SULF2: variants seen among roughly 807,000 people sequenced by gnomAD.
SULF2 encodes the protein extracellular sulfatase Sulf-2.
SULF2 carries 52 observed loss-of-function variants against 107.7 expected under a neutral mutation model. That is an observed-to-expected ratio of 0.48 (90% CI 0.39 to 0.61). The LOEUF (loss-of-function observed/expected upper bound fraction) is 0.61, where lower values mean the gene tolerates loss of function less well. Ranked by LOEUF, SULF2 falls within the 20% of genes least tolerant of loss-of-function variation. The pLI is 0.00. For synonymous variants in SULF2, 460 were observed against 464.3 expected (o/e 0.99, Z 0.12); for missense variants, 993 against 1,177.3 (o/e 0.84, Z 2.29).
chr20:47,738,278 A>G (rs1249994053), intron 2 of SULF2, among the ~76,000 whole-genome samples: 1 of 152,170 alleles, frequency 6.6e-6, no homozygotes, highest in Non-Finnish European at 1.5e-5. Flanking sequence ...GCTCAATTGT[A>G]TGCTGTGGTT....
chr20:47,762,124 T>C (rs2090431235), intron 1 of SULF2, among the ~76,000 whole-genome samples: 1 of 152,258 alleles, frequency 6.6e-6, no homozygotes, highest in Non-Finnish European at 1.5e-5. Flanking sequence ...GTCTCGGGTA[T>C]GTCTTTATCA....
intron 2 of SULF2, among the ~76,000 whole-genome samples, chr20:47,744,285 C>T (rs373878438): frequency 7.9e-5 from 12 of 152,100 alleles, no homozygotes; most frequent in African/African-American, 2.7e-4. Context: ...TGGGTTCAAG[C>T]GATTCTCCTG....
In SULF2 at chr20:47,736,937, T is replaced by A; in HGVS notation, c.181A>T (p.Met61Leu). ...TDDQDVELGS[M>L]QVMNKTRRIM... Reference sequence around the variant, plus strand: ...CGCCGGGTCTTGTTCATCACCTGCATGGAACCTGCAAGTCAAGGGTGGAAG... The same window carrying A: ...CGCCGGGTCTTGTTCATCACCTGCAAGGAACCTGCAAGTCAAGGGTGGAAG... Residue 61 changes from methionine to leucine, a missense_variant, in exon 3 of 21, where the codon ATG (methionine) becomes TTG (leucine). Coordinates refer to ENST00000688720, the MANE Select transcript of SULF2 (RefSeq NM_001387048.1). The A allele has an allele frequency of 6.2e-7, 1 of 1,614,152 alleles. No individual in the cohort carries two copies. The highest frequency in any genetic ancestry group is 8.5e-7 in the Non-Finnish European group (1 of 1,180,006).
At chr20:47,661,720 C>A (rs1174062070) in intron 18 of SULF2, 53 bp downstream of exon 18, 4 of 1,424,886 alleles carry the variant, frequency 2.8e-6, no homozygotes, top group Non-Finnish European at 2.8e-6. Flanking sequence ...TCCTGAGTCC[C>A]TTCCTTTGGT....
At chr20:47,688,628 G>A (rs2088094957) in intron 5 of SULF2, among the ~76,000 whole-genome samples, 1 of 152,168 alleles carries the variant, frequency 6.6e-6, no homozygotes, top group African/African-American at 2.4e-5. Context: ...GCCGGCTGCT[G>A]GGGGAGGCTG....
rs540017083 is a variant in SULF2 at position 47,678,857 on chromosome 20, C to T, written c.1065-53G>A. ...AGTCACTCAGGTGGTGGTGCCTCAG[C>T]CTCGCGTGGGGGGTGGGGAGCGGTA... is the stretch of plus-strand genomic sequence containing the variant. On this transcript the variant is annotated intron_variant, in intron 7 of 20. Transcript: ENST00000688720. The surrounding 1 kb of genome is among the most constrained non-coding windows in gnomAD (Gnocchi z 4.5). The T allele has an allele frequency of 2.1e-4, 327 of 1,568,118 alleles. 1 individual carries two copies. The highest frequency in any genetic ancestry group is 1.9e-3 in the East Asian group (84 of 44,282).
Position 47,757,375 on chromosome 20 carries a change from G to A in SULF2, c.-12C>T, listed in dbSNP as rs534216735. 1.4e-5 allele frequency: 22 copies of A among 1,573,796 alleles called. No individual in the cohort carries two copies. In the African/African-American group the frequency reaches 2.4e-4, roughly 17 times the overall value. On this transcript the variant is annotated 5_prime_UTR_variant, in exon 2 of 21. Transcript: ENST00000688720. Reference sequence around the variant, plus strand: ...CTCGGGGGGCCCATCTTCTTTTTTTGCTGATCTGGTGCTTCTTTTGGGATG... The same window carrying A: ...CTCGGGGGGCCCATCTTCTTTTTTTACTGATCTGGTGCTTCTTTTGGGATG...
At chr20:47,784,646 C>A (rs1205546179) in intron 1 of SULF2, among the ~76,000 whole-genome samples, 1 of 152,166 alleles carries the variant, frequency 6.6e-6, no homozygotes, top group South Asian at 2.1e-4. Context: ...GAACAGAACG[C>A]GGTGCCCGGC....
At chr20:47,767,388 TAATCCCAGCA>T (rs2090547377) in intron 1 of SULF2, among the ~76,000 whole-genome samples, 2 of 152,232 alleles carry the variant, frequency 1.3e-5, no homozygotes, top group South Asian at 4.1e-4. Context: ...CTTACACCTG[TAATCCCAGCA>T]CTTTGGGAGG....
chr20:47,731,187 CTTTTTTTTTTTTTTTT>C (rs71183273), intron 3 of SULF2, among the ~76,000 whole-genome samples: 1 of 81,180 alleles, frequency 1.2e-5, no homozygotes, highest in Non-Finnish European at 2.2e-5. Flanking sequence ...TGTATCTTCT[CTTTTTTTTTTTTTTTT>C]TTTTTTTGAG....
intron 1 of SULF2, among the ~76,000 whole-genome samples, chr20:47,758,162 CTTTTTTTT>C (rs373618271): frequency 7.4e-5 from 9 of 122,448 alleles, no homozygotes; most frequent in African/African-American, 1.2e-4. Flanking sequence ...AAAAGTATTC[CTTTTTTTT>C]TTTTTTTTTT....
At chr20:47,685,612 T>C (rs997496119) in intron 5 of SULF2, 1 of 151,482 alleles carries the variant, frequency 6.6e-6, no homozygotes, top group African/African-American at 2.4e-5. Flanking sequence ...CCTCCTGGGT[T>C]CAAGTGATTC....
At position 47,711,414 on chromosome 20, in the gene SULF2, C is replaced by G. The variant is rs112095530; in HGVS notation, c.416-8744G>C. Among the ~76,000 whole-genome samples the G allele has an allele frequency of 2.4e-3, 365 of 152,318 alleles. 2 individuals are homozygous for G. The highest frequency in any genetic ancestry group is 8.5e-3 in the African/African-American group (355 of 41,568). ...GCACGTGGATGAACTGACAGGCATG[C>G]GAAGGGTGAAACAGGACCTGATCTG... is the stretch of plus-strand genomic sequence containing the variant. On this transcript the variant is annotated intron_variant, in intron 3 of 20. Coordinates refer to ENST00000688720, the MANE Select transcript of SULF2 (RefSeq NM_001387048.1).
intron 4 of SULF2, 55 bp downstream of exon 4, chr20:47,702,464 G>A (rs2088601877): frequency 1.3e-6 from 2 of 1,580,620 alleles, no homozygotes; most frequent in Middle Eastern, 2.3e-4. Flanking sequence ...CCTGAGTTGG[G>A]CCTCTAACTG....
At chr20:47,723,939 C>T (rs1051706283) in intron 3 of SULF2, among the ~76,000 whole-genome samples, 1 of 152,204 alleles carries the variant, frequency 6.6e-6, no homozygotes, top group Admixed American at 6.5e-5. Context: ...AAACCGGTTG[C>T]TTGTACCAGA....
At chr20:47,761,775 G>A (rs933560447) in intron 1 of SULF2, among the ~76,000 whole-genome samples, 7 of 152,204 alleles carry the variant, frequency 4.6e-5, no homozygotes, top group Non-Finnish European at 5.9e-5. Flanking sequence ...CCAAATCAGA[G>A]TAATCCTCAA....
At chr20:47,663,352 G>A in intron 16 of SULF2, 101 bp downstream of exon 16, 2 of 1,577,032 alleles carry the variant, frequency 1.3e-6, no homozygotes, top group Admixed American at 1.7e-5. Flanking sequence ...GACCCCTGGT[G>A]TTGGGGACCC....
chr20:47,687,769 G>A (rs1216639917), intron 5 of SULF2, among the ~76,000 whole-genome samples: 3 of 151,742 alleles, frequency 2.0e-5, no homozygotes, highest in East Asian at 1.9e-4. Flanking sequence ...GTGTAGTGGC[G>A]CAATCATAGC....
chr20:47,678,848 G>A lies in SULF2; in HGVS notation c.1065-44C>T. The A allele has an allele frequency of 6.3e-7, 1 of 1,597,582 alleles. No individual in the cohort carries two copies. Among genetic ancestry groups the A allele is most frequent in the East Asian group, 2.2e-5 (1 of 44,522 alleles). On this transcript the variant is annotated intron_variant, in intron 7 of 20. Transcript: ENST00000688720. The surrounding 1 kb of genome is among the most constrained non-coding windows in gnomAD (Gnocchi z 4.5). Reference sequence around the variant, plus strand: ...CGGGGACTCAGTCACTCAGGTGGTGGTGCCTCAGCCTCGCGTGGGGGGTGG... The same window carrying A: ...CGGGGACTCAGTCACTCAGGTGGTGATGCCTCAGCCTCGCGTGGGGGGTGG...
Sources: allele counts gnomAD v4.1 joint callset (sites outside exome capture counted in the v4.1 genomes callset), GRCh38; gene constraint gnomAD v4.1.1; non-coding constraint Gnocchi (gnomAD v3.1); transcripts MANE v1.5; gene names NCBI Gene and HGNC (gene_info 2026-07-23, HGNC 2026-07-21).